RHPN1: variants seen among roughly 807,000 people sequenced by gnomAD.
The protein encoded by RHPN1 is rhophilin Rho GTPase binding protein 1.
RHPN1 carries 77 observed loss-of-function variants against 74.7 expected under a neutral mutation model. That is an observed-to-expected ratio of 1.03 (90% CI 0.86 to 1.25). The LOEUF (loss-of-function observed/expected upper bound fraction) is 1.25. Ranked by LOEUF, RHPN1 falls within the 50% of genes most tolerant of loss-of-function variation. RHPN1 has a pLI of 0.00. For missense variants in RHPN1, 987 were observed against 932.2 expected, an observed-to-expected ratio of 1.06 and a Z score of -0.77; for synonymous variants, 444 against 414.5, an observed-to-expected ratio of 1.07 and a Z score of -0.87.
At chr8:143,381,529 G>T in intron 12 of RHPN1, 43 bp from the exon 13 acceptor site, 3 of 1,580,670 alleles carry the variant, frequency 1.9e-6, no homozygotes, top group Non-Finnish European at 2.6e-6. Context: ...GGTCTCCTCA[G>T]TGTGTGGCCC....
intron 1 of RHPN1, among the ~76,000 whole-genome samples, chr8:143,372,017 G>T (rs760300481): frequency 1.7e-4 from 26 of 152,242 alleles, no homozygotes; most frequent in Non-Finnish European, 3.2e-4. Context: ...CACTTGGCCT[G>T]CAGGGAGCAC....
intron 5 of RHPN1, 46 bp from the exon 6 acceptor site, chr8:143,378,650 G>C (rs56407850): frequency 6.3e-7 from 1 of 1,577,120 alleles, no homozygotes; most frequent in Non-Finnish European, 8.6e-7. Flanking sequence ...GTGTGTGTGA[G>C]TGGGGTGGGC....
At position 143,378,926 on chromosome 8, in the gene RHPN1, C is replaced by G; in HGVS notation, c.599C>G (p.Thr200Ser). 1 of 1,584,542 alleles carries G rather than the reference C, an allele frequency of 6.3e-7. No individual in the cohort carries two copies. Among genetic ancestry groups the G allele is most frequent in the Non-Finnish European group, 8.6e-7 (1 of 1,166,240 alleles). Reference protein sequence around the residue: ...GLFFHWYDSLTGVPAQQRALA... With the variant: ...GLFFHWYDSLSGVPAQQRALA... The stretch of plus-strand genomic sequence containing the variant: ...CAACACTGCAGGTACGACTCGCTTA[C>G]TGGGGTCCCGGCCCAGCAGCGTGCC... The change falls in exon 7 of 15, where the codon ACT (threonine) becomes AGT (serine). Residue 200 changes from threonine (T) to serine (S), a missense_variant. Thr to Ser is a moderately conservative substitution (Grantham distance 58). Transcript: ENST00000289013.
Position 143,378,356 on chromosome 8 carries a change from T to TCGGGGGGGGGGGCCC in RHPN1, c.459+11_459+12insGGGGGGGGGGGCCCC. ...GGAGGCCCTGCGGCAGGTGTGTGGT[T>TCGGGGGGGGGGGCCC]CCCCCGCCCACCCACCCTCCTGCAG... On this transcript the variant is annotated intron_variant, in intron 5 of 14. Coordinates refer to ENST00000289013, the MANE Select transcript of RHPN1 (RefSeq NM_052924.3). 6.6e-7 allele frequency: 1 copy of TCGGGGGGGGGGGCCC among 1,525,436 alleles called. No individual in the cohort carries two copies. Among genetic ancestry groups the TCGGGGGGGGGGGCCC allele is most frequent in the Non-Finnish European group, 8.8e-7 (1 of 1,136,346 alleles). 94.5% of individuals were successfully genotyped at this position (1,525,436 alleles called of 1,614,324 possible). A position where few individuals can be genotyped will look rare whatever the true frequency, so the allele number is the denominator to read the frequency against.
chr8:143,379,581 C>T lies in RHPN1; in HGVS notation c.945+73C>T, dbSNP rs575345864. On this transcript the variant is annotated intron_variant, in intron 8 of 14. Transcript: ENST00000289013. The stretch of plus-strand genomic sequence containing the variant: ...GGGTCAGAGCCCAGGTCCAGGCATG[C>T]GTGAGCTCTCCCACCTCCTTCCTTG... The T allele has an allele frequency of 1.6e-5, 24 of 1,474,048 alleles. 1 individual carries two copies. The African/African-American group carries it at 1.7e-4, about 10-fold the overall frequency. The allele number at this position is 1,474,048 out of a possible 1,614,324, so 91.3% of individuals were successfully genotyped here.
rs778233486 is a variant in RHPN1 at position 143,382,526 on chromosome 8, A to G, written c.1888A>G (p.Ser630Gly). 3.1e-6 allele frequency: 5 copies of G among 1,610,596 alleles called. No individual in the cohort carries two copies. The highest frequency in any genetic ancestry group is 1.3e-5 in the African/African-American group (1 of 74,890). ...GCKTPASTWA[S>G]PRPLLNWSRK... The stretch of plus-strand genomic sequence containing the variant: ...CAAGACCCCGGCATCCACGTGGGCC[A>G]GTCCCCGGCCCCTCCTCAACTGGAG... Residue 630 changes from serine (S) to glycine (G), a missense_variant, in exon 15 of 15, where the codon AGT (serine) becomes GGT (glycine). By Grantham distance (56) the Ser-to-Gly change is moderately conservative. Transcript: ENST00000289013.
At chr8:143,378,876 C>T (rs71520515) in intron 6 of RHPN1, 36 bp from the exon 7 acceptor site, 144,301 of 1,575,930 alleles carry the variant, frequency 0.092, 7,139 homozygotes, top group Non-Finnish European at 0.098. Flanking sequence ...CTGCGGGAAC[C>T]GTGGGAACTC....
At chr8:143,380,440 G>A (rs1018577448) in intron 10 of RHPN1, 149 bp from the exon 11 acceptor site, 4 of 742,186 alleles carry the variant, frequency 5.4e-6, no homozygotes, top group Non-Finnish European at 8.5e-6. Flanking sequence ...GAGCCCTCCT[G>A]CACAGCCAGC....
At chr8:143,375,783 A>T in intron 2 of RHPN1, 115 bp downstream of exon 2, 1 of 739,666 alleles carries the variant, frequency 1.4e-6, no homozygotes, top group South Asian at 1.8e-5. Flanking sequence ...CAGGTGCATG[A>T]GCAGCTGGGT....
At position 143,381,738 on chromosome 8, in the gene RHPN1, CCT is replaced by C. The variant is rs754540959; in HGVS notation, c.1635+21_1635+22del. 2.5e-6 allele frequency: 4 copies of C among 1,606,804 alleles called. No homozygotes were observed. The South Asian group carries it at 4.4e-5, about 18-fold the overall frequency. ...GCCGCGGTAAGGGCCCCGCCGGCCC[CCT>C]GAGGCTGAGTCCTTGGTGCCAGCCA... On this transcript the variant is annotated intron_variant, in intron 13 of 14. Transcript: ENST00000289013.
At position 143,376,870 on chromosome 8, in the gene RHPN1, A is replaced by ATTG. The variant is rs1554627558; in HGVS notation, c.305+218_305+219insTGT. Among the ~76,000 whole-genome samples, 771 of 148,402 alleles carry ATTG rather than the reference A, an allele frequency of 5.2e-3. 3 individuals are homozygous for ATTG. The highest frequency in any genetic ancestry group is 8.1e-3 in the East Asian group (40 of 4,936). On this transcript the variant is annotated intron_variant, in intron 3 of 14. Coordinates refer to ENST00000289013, the MANE Select transcript of RHPN1 (RefSeq NM_052924.3). The stretch of plus-strand genomic sequence containing the variant: ...TGTGTGCGTGTGTCTCTGTGTGTAT[A>ATTG]TGTGTGTGCATGTGTGTGCATGCGT...
chr8:143,375,599 G>A lies in RHPN1; in HGVS notation c.107G>A (p.Arg36His), dbSNP rs745874856. The A allele has an allele frequency of 5.6e-6, 9 of 1,607,124 alleles. No homozygotes were observed. Among genetic ancestry groups the A allele is most frequent in the African/African-American group, 2.7e-5 (2 of 74,560 alleles). ...ATCCAGTGCGGCCAGCTGCAGAGCC[G>A]CAGGGCCCAGATTCACCAGCAGATT... ...TQIQCGQLQS[R>H]RAQIHQQIDK... is the part of the protein sequence containing the mutation. The change falls in exon 2 of 15, where the codon CGC (arginine) becomes CAC (histidine). Residue 36 changes from arginine (R) to histidine (H), a missense_variant. By Grantham distance (29) the Arg-to-His change is conservative (BLOSUM62 0). Coordinates refer to ENST00000289013, the MANE Select transcript of RHPN1 (RefSeq NM_052924.3).
chr8:143,370,377 G>A (rs1273538724), intron 1 of RHPN1, among the ~76,000 whole-genome samples: 1 of 152,210 alleles, frequency 6.6e-6, no homozygotes, highest in African/African-American at 2.4e-5. Flanking sequence ...TGTCACACGC[G>A]CACCACTCAG....
intron 1 of RHPN1, among the ~76,000 whole-genome samples, chr8:143,373,897 C>T (rs1458705026): frequency 6.6e-6 from 1 of 152,100 alleles, no homozygotes; most frequent in African/African-American, 2.4e-5. Flanking sequence ...TGCAAAGACC[C>T]TATTTCTAGA....
intron 2 of RHPN1, 44 bp from the exon 3 acceptor site, chr8:143,376,481 C>G (rs1426044881): frequency 1.2e-6 from 2 of 1,605,472 alleles, no homozygotes; most frequent in Non-Finnish European, 1.7e-6. Context: ...GGGCCTTTGG[C>G]TCTGCCTTGG....
chr8:143,376,946 G>T (rs1430419275), intron 3 of RHPN1, among the ~76,000 whole-genome samples: 1 of 150,254 alleles, frequency 6.7e-6, no homozygotes, highest in African/African-American at 2.5e-5. Context: ...GTGCATCTCT[G>T]TGCGTGTGTC....
At chr8:143,368,849 G>A (rs984394801), upstream of RHPN1, 16 of 477,858 alleles carry the variant, frequency 3.3e-5, no homozygotes, top group African/African-American at 1.4e-4. Context: ...CCCCACTCAG[G>A]AGGGACAGTC....
At chr8:143,371,405 T>C (rs1041823255) in intron 1 of RHPN1, among the ~76,000 whole-genome samples, 11 of 152,002 alleles carry the variant, frequency 7.2e-5, no homozygotes, top group Admixed American at 5.9e-4. Context: ...GCCAGGGCTC[T>C]GAAGGGAAAA....
chr8:143,365,069 G>C (rs545718910), upstream of RHPN1, among the ~76,000 whole-genome samples: 1 of 152,098 alleles, frequency 6.6e-6, no homozygotes, highest in Non-Finnish European at 1.5e-5. Context: ...ATCTTAACAG[G>C]CGCAACAGTG....
Sources: gnomAD v4.1 joint callset for allele counts (sites outside exome capture counted in the v4.1 genomes callset) on GRCh38, gnomAD v4.1.1 for gene constraint, MANE v1.5 for transcripts, NCBI Gene and HGNC (gene_info 2026-07-23, HGNC 2026-07-21) for gene names.